Variants in SCFD2 observed in about 807,000 individuals in gnomAD.
SCFD2 encodes the protein sec1 family domain containing 2.
Under a neutral mutation model 58.9 loss-of-function variants are expected in SCFD2, and 54 were observed. The observed-to-expected ratio is 0.92, with a 90% CI of 0.74 to 1.15. SCFD2 has a LOEUF of 1.15. SCFD2 is among the 50% of genes most tolerant of loss of function. The probability of loss-of-function intolerance (pLI) is 0.00; values close to 1 mark genes in which losing one functional copy is unlikely to be tolerated. For synonymous variants in SCFD2, 321 were observed against 335.9 expected, an observed-to-expected ratio of 0.96 and a Z score of 0.49; for missense variants, 805 against 836.6, an observed-to-expected ratio of 0.96 and a Z score of 0.47.
At chr4:53,304,256 A>C (rs367828311) in intron 3 of SCFD2, among the ~76,000 whole-genome samples, 1 of 152,128 alleles carries the variant, frequency 6.6e-6, no homozygotes, top group African/African-American at 2.4e-5. Context: ...GCCTGCCCTT[A>C]ACATTTTTTC....
chr4:53,331,868 A>C (rs1460929747), intron 2 of SCFD2, among the ~76,000 whole-genome samples: 1 of 152,210 alleles, frequency 6.6e-6, no homozygotes, highest in Non-Finnish European at 1.5e-5. Flanking sequence ...ATAAAGAAAA[A>C]AAGAGAGAAG....
At chr4:53,225,683 A>G (rs1440349409) in intron 4 of SCFD2, among the ~76,000 whole-genome samples, 4 of 152,376 alleles carry the variant, frequency 2.6e-5, no homozygotes, top group Admixed American at 2.0e-4. Flanking sequence ...TGAATTTGCT[A>G]TTATGATTAT....
intron 5 of SCFD2, among the ~76,000 whole-genome samples, chr4:52,990,235 C>A (rs559943589): frequency 6.6e-6 from 1 of 152,298 alleles, no homozygotes; most frequent in South Asian, 2.1e-4. Flanking sequence ...CATTTAATAT[C>A]GACTGAAAAC....
intron 4 of SCFD2, among the ~76,000 whole-genome samples, chr4:53,250,692 C>T (rs1263708652): frequency 6.6e-6 from 1 of 152,132 alleles, no homozygotes; most frequent in Non-Finnish European, 1.5e-5. Flanking sequence ...TTCTTTGAAA[C>T]CAACGACAAC....
chr4:53,302,518 A>T (rs1428447573), intron 3 of SCFD2, among the ~76,000 whole-genome samples: 2 of 152,192 alleles, frequency 1.3e-5, no homozygotes, highest in Non-Finnish European at 2.9e-5. Context: ...GAAAATGGCC[A>T]TACTGCCCAA....
In SCFD2 at chr4:53,270,149, G is replaced by T. The variant is rs556464747; in HGVS notation, c.1311+3677C>A. ...TGTGCATATGTTTACATGTGTATGA[G>T]TATATGTGTGTGTGGGAACAAGTTG... On this transcript the variant is annotated intron_variant, in intron 4 of 8. Transcript: ENST00000401642. Among the ~76,000 whole-genome samples, 4 of 152,308 alleles carry T rather than the reference G, an allele frequency of 2.6e-5. No homozygotes were observed. The South Asian group carries it at 8.3e-4, about 32-fold the overall frequency.
intron 5 of SCFD2, among the ~76,000 whole-genome samples, chr4:53,016,838 G>C (rs1422428823): frequency 6.6e-6 from 1 of 152,180 alleles, no homozygotes; most frequent in Non-Finnish European, 1.5e-5. Context: ...GCCAGGTGCG[G>C]TGGCTTATAC....
chr4:53,197,855 A>T (rs1344698730), intron 4 of SCFD2, among the ~76,000 whole-genome samples: 1 of 152,016 alleles, frequency 6.6e-6, no homozygotes, highest in East Asian at 1.9e-4. Flanking sequence ...TGAGATGTTA[A>T]TTTCAAAAAT....
rs555037662 is a variant in SCFD2, at chr4:53,022,569, G to C, written c.1562-101699C>G. ...GCCTAATTGGGAGAATAGTCTAAGA[G>C]AGAAAGTTTAGGCCTTAGAGTTGGG... On this transcript the variant is annotated intron_variant, in intron 5 of 8. Transcript: ENST00000401642. Among the ~76,000 whole-genome samples, 8 of 152,318 alleles carry C rather than the reference G, an allele frequency of 5.3e-5. No individual in the cohort carries two copies. In the South Asian group the frequency reaches 1.4e-3, roughly 28 times the overall value.
At chr4:53,112,304 CATCTT>C (rs1363930714) in intron 5 of SCFD2, among the ~76,000 whole-genome samples, 1 of 152,116 alleles carries the variant, frequency 6.6e-6, no homozygotes, top group Non-Finnish European at 1.5e-5. Context: ...TAAATCTAAA[CATCTT>C]ATATTACAAA....
At chr4:53,339,040 GA>G (rs933298027) in intron 2 of SCFD2, among the ~76,000 whole-genome samples, 1 of 151,422 alleles carries the variant, frequency 6.6e-6, no homozygotes. Context: ...TCTCTAAATA[GA>G]AAAAAAAGAA....
chr4:53,324,828 G>A (rs1733136278), intron 2 of SCFD2, among the ~76,000 whole-genome samples: 1 of 152,172 alleles, frequency 6.6e-6, no homozygotes, highest in South Asian at 2.1e-4. Context: ...CTCATTCCCT[G>A]ACTAGTTGTT....
intron 2 of SCFD2, among the ~76,000 whole-genome samples, chr4:53,333,443 CCG>C (rs1733564797): frequency 7.3e-6 from 1 of 136,096 alleles, no homozygotes; most frequent in Non-Finnish European, 1.6e-5. Flanking sequence ...AGAAATAATG[CCG>C]CATATCTACA....
chr4:53,032,187 T>C (rs1342090997), intron 5 of SCFD2, among the ~76,000 whole-genome samples: 2 of 152,158 alleles, frequency 1.3e-5, no homozygotes, highest in Non-Finnish European at 2.9e-5. Context: ...TCCAGCCAAA[T>C]TAAGCTTCAT....
At chr4:53,269,252 G>C (rs1731086747) in intron 4 of SCFD2, among the ~76,000 whole-genome samples, 1 of 152,142 alleles carries the variant, frequency 6.6e-6, no homozygotes, top group Admixed American at 6.5e-5. Flanking sequence ...TTGAGCCCGG[G>C]ATGTCGAGGC....
intron 4 of SCFD2, among the ~76,000 whole-genome samples, chr4:53,178,665 T>G (rs568506524): frequency 6.6e-6 from 1 of 151,844 alleles, no homozygotes; most frequent in East Asian, 1.9e-4. Context: ...CTTTGACGAG[T>G]TGAGAGAAGA....
At chr4:53,049,663 A>G (rs1723136004) in intron 5 of SCFD2, among the ~76,000 whole-genome samples, 1 of 152,156 alleles carries the variant, frequency 6.6e-6, no homozygotes, top group African/African-American at 2.4e-5. Context: ...GCAGCAGGGC[A>G]TAGTGAATGG....
chr4:53,083,405 AT>A (rs1388245059), intron 5 of SCFD2, among the ~76,000 whole-genome samples: 1 of 152,046 alleles, frequency 6.6e-6, no homozygotes, highest in Non-Finnish European at 1.5e-5. Context: ...TACTCAAACT[AT>A]TTTTTTAAAA....
chr4:53,056,746 G>C (rs1297709237), intron 5 of SCFD2, among the ~76,000 whole-genome samples: 1 of 152,114 alleles, frequency 6.6e-6, no homozygotes, highest in South Asian at 2.1e-4. Context: ...CCACTCTTCA[G>C]TTTTAGATCC....
Sources: allele counts gnomAD v4.1 joint callset (sites outside exome capture counted in the v4.1 genomes callset), GRCh38; gene constraint gnomAD v4.1.1; transcripts MANE v1.5; gene names NCBI Gene and HGNC (gene_info 2026-07-23, HGNC 2026-07-21).